Variants in ATRNL1 observed in about 807,000 individuals in gnomAD.
ATRNL1 encodes the protein attractin-like protein 1.
A neutral mutation model predicts 182.7 loss-of-function variants in ATRNL1; 95 were observed. That is an observed-to-expected ratio of 0.52 (90% confidence interval 0.44 to 0.62). ATRNL1 has a LOEUF of 0.62. ATRNL1 is among the 20% of genes least tolerant of loss of function. The pLI, the probability that ATRNL1 is intolerant of heterozygous loss-of-function variation, is 0.00. For missense variants in ATRNL1, 1,471 were observed against 1,679.5 expected (o/e 0.88, Z 2.17); for synonymous variants, 576 against 568.3 (o/e 1.01, Z -0.19).
chr10:115,885,076 C>T (rs1951911486), intron 28 of ATRNL1, among the ~76,000 whole-genome samples: 1 of 152,098 alleles, frequency 6.6e-6, no homozygotes, highest in Non-Finnish European at 1.5e-5. Flanking sequence ...GGTACTTATC[C>T]CATAATTACA....
chr10:115,809,791 TA>T, intron 27 of ATRNL1, among the ~76,000 whole-genome samples: 1 of 152,146 alleles, frequency 6.6e-6, no homozygotes, highest in East Asian at 1.9e-4. Flanking sequence ...TTATTTCTTT[TA>T]CTTGCCTTGT....
intron 25 of ATRNL1, among the ~76,000 whole-genome samples, chr10:115,525,451 G>A (rs536675169): frequency 2.0e-5 from 3 of 152,184 alleles, no homozygotes; most frequent in Non-Finnish European, 2.9e-5. Context: ...TCGTATTTTC[G>A]GGACTGCTCT....
At chr10:115,096,190 A>G (rs1358864793) in intron 1 of ATRNL1, among the ~76,000 whole-genome samples, 4 of 152,186 alleles carry the variant, frequency 2.6e-5, no homozygotes, top group Non-Finnish European at 5.9e-5. Flanking sequence ...CTTGGAAGCT[A>G]TTATTTCCTA....
intron 27 of ATRNL1, among the ~76,000 whole-genome samples, chr10:115,755,638 G>A (rs1257737396): frequency 6.6e-6 from 1 of 151,982 alleles, no homozygotes; most frequent in Non-Finnish European, 1.5e-5. Flanking sequence ...TTCTTTTTTG[G>A]TTGCATTTCT....
chr10:115,215,572 T>C (rs1197512768), intron 8 of ATRNL1, 125 bp from the exon 9 acceptor site: 14 of 749,160 alleles, frequency 1.9e-5, no homozygotes, highest in Non-Finnish European at 2.9e-5. Context: ...TAAATTAATA[T>C]TAGATATACA....
At chr10:115,842,176 T>G (rs1194379861) in intron 27 of ATRNL1, among the ~76,000 whole-genome samples, 1 of 152,118 alleles carries the variant, frequency 6.6e-6, no homozygotes, top group East Asian at 1.9e-4. Context: ...ATTCTGTTCT[T>G]GTCAAAATAC....
At chr10:115,893,426 A>G (rs1952128849) in intron 28 of ATRNL1, among the ~76,000 whole-genome samples, 1 of 152,258 alleles carries the variant, frequency 6.6e-6, no homozygotes, top group African/African-American at 2.4e-5. Context: ...CCTTTTATTA[A>G]TGTATTTAAC....
intron 26 of ATRNL1, among the ~76,000 whole-genome samples, chr10:115,642,497 G>A (rs1003814643): frequency 2.7e-5 from 4 of 150,736 alleles, no homozygotes; most frequent in African/African-American, 4.9e-5. Flanking sequence ...AGGCTAGAGT[G>A]CAATGGAGCA....
intron 19 of ATRNL1, among the ~76,000 whole-genome samples, chr10:115,382,692 C>CTTTTTTTTTTTTTTTTTTTTTTTTTTTTT (rs34063669): frequency 8.7e-6 from 1 of 114,288 alleles, no homozygotes; most frequent in African/African-American, 3.0e-5. Context: ...CTGTTCTTTG[C>CTTTTTTTTTTTTTTTTTTTTTTTTTTTTT]TTTTTTTTTT....
intron 14 of ATRNL1, among the ~76,000 whole-genome samples, chr10:115,283,790 T>C (rs1292863937): frequency 1.3e-5 from 2 of 152,236 alleles, no homozygotes; most frequent in African/African-American, 4.8e-5. Context: ...AGTGGAAGTT[T>C]GGAAAAATGA....
At chr10:115,868,949 C>T (rs2134410740) in intron 28 of ATRNL1, among the ~76,000 whole-genome samples, 1 of 150,952 alleles carries the variant, frequency 6.6e-6, no homozygotes, top group Admixed American at 6.6e-5. Context: ...CCTGCCTCAG[C>T]CGCCCGAGTA....
chr10:115,891,843 T>G (rs1279393793), intron 28 of ATRNL1, among the ~76,000 whole-genome samples: 2 of 152,242 alleles, frequency 1.3e-5, no homozygotes, highest in African/African-American at 4.8e-5. Context: ...CTGATTTTTT[T>G]TGTTGCATTT....
At chr10:115,378,289 T>C (rs1198598615) in intron 19 of ATRNL1, among the ~76,000 whole-genome samples, 2 of 152,150 alleles carry the variant, frequency 1.3e-5, no homozygotes, top group Non-Finnish European at 2.9e-5. Flanking sequence ...GTAGGGGCAG[T>C]AACAGACACG....
chr10:115,445,243 A>T (rs1240811356), intron 21 of ATRNL1, among the ~76,000 whole-genome samples: 3 of 150,448 alleles, frequency 2.0e-5, no homozygotes, highest in Non-Finnish European at 3.0e-5. Flanking sequence ...AGCCTGGCCA[A>T]CATGGCAAAA....
chr10:115,356,066 T>C (rs1032727785), intron 19 of ATRNL1, among the ~76,000 whole-genome samples: 3 of 152,126 alleles, frequency 2.0e-5, no homozygotes, highest in African/African-American at 7.2e-5. Context: ...CACTAGGATG[T>C]GACCCAAACA....
chr10:115,232,612 A>T (rs782077632), intron 9 of ATRNL1, among the ~76,000 whole-genome samples: 1 of 152,232 alleles, frequency 6.6e-6, no homozygotes, highest in East Asian at 1.9e-4. Context: ...TGCTTAAATA[A>T]TACTTACTTA....
chr10:115,475,249 TATC>T (rs1848479519), intron 24 of ATRNL1, among the ~76,000 whole-genome samples: 1 of 151,498 alleles, frequency 6.6e-6, no homozygotes, highest in Non-Finnish European at 1.5e-5. Context: ...AATTAGTTAA[TATC>T]ATAGTGAATA....
At chr10:115,532,913 C>G (rs1285472149) in intron 25 of ATRNL1, among the ~76,000 whole-genome samples, 10 of 151,734 alleles carry the variant, frequency 6.6e-5, no homozygotes, top group Non-Finnish European at 1.5e-4. Context: ...TGCTGGATTA[C>G]ATTTATTGAT....
At chr10:115,103,674 A>C (rs957426585) in intron 1 of ATRNL1, among the ~76,000 whole-genome samples, 2 of 152,198 alleles carry the variant, frequency 1.3e-5, no homozygotes, top group South Asian at 2.1e-4. Context: ...CCCATTAACC[A>C]TCCCCATTTC....
Sources: gnomAD v4.1 joint callset for allele counts (sites outside exome capture counted in the v4.1 genomes callset) on GRCh38, gnomAD v4.1.1 for gene constraint, MANE v1.5 for transcripts, NCBI Gene and HGNC (gene_info 2026-07-23, HGNC 2026-07-21) for gene names.